Variants in MAPK14 observed in about 807,000 individuals in gnomAD.
MAPK14 encodes mitogen-activated protein kinase 14, also known as CSAID-binding protein.
Under a neutral mutation model 49.6 loss-of-function variants are expected in MAPK14, and 16 were observed. That is an observed-to-expected ratio of 0.32 (90% confidence interval 0.22 to 0.49). The LOEUF (loss-of-function observed/expected upper bound fraction) is 0.49. MAPK14 is among the 20% of genes least tolerant of loss of function. MAPK14 has a pLI of 0.99. For missense variants in MAPK14, 200 were observed against 441.2 expected (o/e 0.45, Z 4.90); for synonymous variants, 142 against 158.0 (o/e 0.90, Z 0.76).
At chr6:36,094,626 A>G (rs1353956290) in intron 8 of MAPK14, among the ~76,000 whole-genome samples, 1 of 152,218 alleles carries the variant, frequency 6.6e-6, no homozygotes. Context: ...TTGCCTTTAT[A>G]TGTATAACCA....
At chr6:36,051,549 C>T (rs894921702) in intron 1 of MAPK14, among the ~76,000 whole-genome samples, 1 of 152,174 alleles carries the variant, frequency 6.6e-6, no homozygotes. Flanking sequence ...GCCTTTCTGT[C>T]TTTCTGTCAC....
In MAPK14 at chr6:36,028,585, G is replaced by C. The variant is rs1473486424; in HGVS notation, c.116+312G>C. On this transcript the variant is annotated intron_variant, in intron 1 of 11. Coordinates refer to ENST00000229794, the MANE Select transcript of MAPK14 (RefSeq NM_139012.3). This position sits in a 1 kb window ranked among gnomAD's most constrained non-coding sequence, Gnocchi z 5.1. ...GTTGCTGCTCGGCAACAGGCACCGG[G>C]GGAAGGGCCGCTTCCTTGGGGGTCT... Among the ~76,000 whole-genome samples, 1 of 152,192 alleles carries C rather than the reference G, an allele frequency of 6.6e-6. No individual in the cohort carries two copies. The highest frequency in any genetic ancestry group is 2.4e-5 in the African/African-American group (1 of 41,440).
chr6:36,063,530 A>G (rs1198139963), intron 3 of MAPK14, among the ~76,000 whole-genome samples: 2 of 152,186 alleles, frequency 1.3e-5, no homozygotes, highest in African/African-American at 4.8e-5. Context: ...CAGCGGTTAT[A>G]TTGAACCATG....
chr6:36,058,882 C>CTT (rs70975128), intron 2 of MAPK14, among the ~76,000 whole-genome samples: 3 of 128,420 alleles, frequency 2.3e-5, no homozygotes, highest in African/African-American at 2.9e-5. Context: ...GATCCTGACT[C>CTT]TTTTTTTTTT....
chr6:36,030,505 G>A (rs986925847), intron 1 of MAPK14, among the ~76,000 whole-genome samples: 2 of 151,964 alleles, frequency 1.3e-5, no homozygotes, highest in African/African-American at 4.8e-5. Context: ...GGCTAACACG[G>A]TGAAACCCCG....
rs2127385427 is a variant in MAPK14 at position 36,028,425 on chromosome 6, C to A, written c.116+152C>A. On this transcript the variant is annotated intron_variant, in intron 1 of 11. Transcript: ENST00000229794. The surrounding 1 kb of genome is among the most constrained non-coding windows in gnomAD (Gnocchi z 5.1). The stretch of plus-strand genomic sequence containing the variant: ...CCCTTCGAGCTCTGCCCGTTCTGCA[C>A]CTCCAGCACCCCTCGCCCTGCACTC... The A allele has an allele frequency of 1.6e-6, 1 of 609,860 alleles. No homozygotes were observed. The highest frequency in any genetic ancestry group is 2.9e-5 in the East Asian group (1 of 35,018). The allele number at this position is 609,860 out of a possible 1,614,324, so 37.8% of individuals were successfully genotyped here. A position where few individuals can be genotyped will look rare whatever the true frequency, so the allele number is the denominator to read the frequency against.
At chr6:36,115,162 A>G (rs1398117385), downstream of MAPK14, among the ~76,000 whole-genome samples, 1 of 152,232 alleles carries the variant, frequency 6.6e-6, no homozygotes, top group Admixed American at 6.5e-5. Flanking sequence ...GAGTAGTTCA[A>G]TTTAAGGAAG....
At chr6:36,124,138 C>CCTTCCTT in the MAPK14 span, among the ~76,000 whole-genome samples, 56 of 76,386 alleles carry the variant, frequency 7.3e-4, no homozygotes, top group Middle Eastern at 0.011. Flanking sequence ...CTCCCTCCCT[C>CCTTCCTT]CCTCCCTCCC....
At chr6:36,035,940 G>C (rs545316792) in intron 1 of MAPK14, among the ~76,000 whole-genome samples, 13 of 152,294 alleles carry the variant, frequency 8.5e-5, no homozygotes, top group Non-Finnish European at 1.8e-4. Context: ...ATAGTGCAAG[G>C]TGGCTGGGGG....
intron 9 of MAPK14, among the ~76,000 whole-genome samples, chr6:36,101,221 G>T (rs769886102): frequency 1.3e-5 from 2 of 152,102 alleles, no homozygotes; most frequent in Admixed American, 1.3e-4. Context: ...GGGAGGATCA[G>T]TTGAGCCCAG....
intron 8 of MAPK14, among the ~76,000 whole-genome samples, chr6:36,089,558 T>C (rs1765135422): frequency 6.6e-6 from 1 of 152,218 alleles, no homozygotes. Flanking sequence ...TTTAAAAAAA[T>C]ATAAGAAATA....
intron 1 of MAPK14, among the ~76,000 whole-genome samples, chr6:36,038,590 T>G (rs2127399575): frequency 6.6e-6 from 1 of 152,314 alleles, no homozygotes; most frequent in East Asian, 1.9e-4. Context: ...CATTCTACCC[T>G]AAACCACTAC....
At chr6:36,116,828 TGC>T in the MAPK14 span, among the ~76,000 whole-genome samples, 1 of 152,166 alleles carries the variant, frequency 6.6e-6, no homozygotes, top group Non-Finnish European at 1.5e-5. Context: ...TTTAATGAAC[TGC>T]TACTGTATGT....
chr6:36,123,797 G>A, the MAPK14 span, among the ~76,000 whole-genome samples: 1 of 152,212 alleles, frequency 6.6e-6, no homozygotes, highest in African/African-American at 2.4e-5. Flanking sequence ...CTGGGCACCA[G>A]ACCTTACCCC....
chr6:36,047,263 C>T (rs1479105493), intron 1 of MAPK14, among the ~76,000 whole-genome samples: 1 of 152,008 alleles, frequency 6.6e-6, no homozygotes, highest in Non-Finnish European at 1.5e-5. Context: ...CTATTTAAAC[C>T]AATACTTGAA....
At chr6:36,080,757 T>C (rs1030012535) in intron 8 of MAPK14, among the ~76,000 whole-genome samples, 1 of 152,220 alleles carries the variant, frequency 6.6e-6, no homozygotes, top group Non-Finnish European at 1.5e-5. Flanking sequence ...TTTAACTTTC[T>C]GAAGAGCCAC....
chr6:36,089,566 A>G (rs985729085), intron 8 of MAPK14, among the ~76,000 whole-genome samples: 6 of 152,242 alleles, frequency 3.9e-5, no homozygotes, highest in African/African-American at 1.4e-4. Flanking sequence ...AATATAAGAA[A>G]TACTCATTTT....
Position 36,027,937 on chromosome 6 carries a change from C to T in MAPK14, c.-221C>T. 1 of 427,438 alleles carries T rather than the reference C, an allele frequency of 2.3e-6. No homozygotes were observed. 26.5% of individuals were successfully genotyped at this position (427,438 alleles called of 1,614,324 possible). A position where few individuals can be genotyped will look rare whatever the true frequency, so the allele number is the denominator to read the frequency against. ...CTTGAGCGCCGGAGCGCGTCCCTGC[C>T]CTTAGCGGGGCTTGCCCCAGTCGCA... is the stretch of plus-strand genomic sequence containing the variant. On this transcript the variant is annotated 5_prime_UTR_variant, in exon 1 of 12. Transcript: ENST00000229794.
intron 8 of MAPK14, among the ~76,000 whole-genome samples, chr6:36,089,401 G>A (rs1765127219): frequency 6.6e-6 from 1 of 152,172 alleles, no homozygotes; most frequent in Non-Finnish European, 1.5e-5. Context: ...GTCAGGCGGA[G>A]GGAACGCATC....
Sources: allele counts gnomAD v4.1 joint callset (sites outside exome capture counted in the v4.1 genomes callset), GRCh38; gene constraint gnomAD v4.1.1; non-coding constraint Gnocchi (gnomAD v3.1); transcripts MANE v1.5; gene names NCBI Gene and HGNC (gene_info 2026-07-23, HGNC 2026-07-21).